CDK5RAP2: variants seen among roughly 807,000 people sequenced by gnomAD.
CDK5RAP2 encodes CDK5 regulatory subunit associated protein 2.
Under a neutral mutation model 232.9 loss-of-function variants are expected in CDK5RAP2, and 147 were observed. That is an observed-to-expected ratio of 0.63 (90% CI 0.55 to 0.72). The LOEUF (loss-of-function observed/expected upper bound fraction) is 0.72. CDK5RAP2 is among the 30% of genes least tolerant of loss of function. CDK5RAP2 has a pLI of 0.00. For synonymous variants in CDK5RAP2, 833 were observed against 833.7 expected, an observed-to-expected ratio of 1.00 and a Z score of 0.01; for missense variants, 2,195 against 2,231.5, an observed-to-expected ratio of 0.98 and a Z score of 0.33.
intron 22 of CDK5RAP2, among the ~76,000 whole-genome samples, chr9:120,447,445 GT>G (rs2036252521): frequency 6.6e-6 from 1 of 152,188 alleles, no homozygotes; most frequent in African/African-American, 2.4e-5. Flanking sequence ...TTCAAAGAGG[GT>G]GGGGAAGTGG....
At chr9:120,420,269 C>T (rs2034488021) in intron 26 of CDK5RAP2, among the ~76,000 whole-genome samples, 1 of 152,164 alleles carries the variant, frequency 6.6e-6, no homozygotes. Context: ...CCTCTCTATA[C>T]CAAGCATTTG....
At chr9:120,571,733 C>T in intron 2 of CDK5RAP2, 3 of 516,600 alleles carry the variant, frequency 5.8e-6, no homozygotes, top group South Asian at 3.9e-5. Flanking sequence ...ATCCCTATAG[C>T]TTTAGTAGCA....
chr9:120,394,428 CA>C, intron 36 of CDK5RAP2, 83 bp downstream of exon 36: 1 of 1,607,626 alleles, frequency 6.2e-7, no homozygotes. Context: ...ATCTGGGCTC[CA>C]AAGTGGGTAA....
intron 3 of CDK5RAP2, among the ~76,000 whole-genome samples, chr9:120,554,474 C>T (rs772243619): frequency 6.6e-5 from 10 of 152,110 alleles, no homozygotes; most frequent in Non-Finnish European, 1.2e-4. Flanking sequence ...ATATTAAGTT[C>T]AATCTTAACT....
At chr9:120,476,444 C>A (rs193211833) in intron 15 of CDK5RAP2, among the ~76,000 whole-genome samples, 1 of 152,004 alleles carries the variant, frequency 6.6e-6, no homozygotes, top group South Asian at 2.1e-4. Flanking sequence ...CTTTGGGAGG[C>A]GGAGGTGGGT....
chr9:120,538,973 C>G, intron 6 of CDK5RAP2, 68 bp downstream of exon 6: 1 of 1,551,824 alleles, frequency 6.4e-7, no homozygotes, highest in Non-Finnish European at 8.9e-7. Flanking sequence ...AAAAAAGAAA[C>G]AAAACTGTGC....
intron 19 of CDK5RAP2, among the ~76,000 whole-genome samples, chr9:120,459,294 TG>T (rs1254562753): frequency 2.0e-5 from 3 of 152,178 alleles, no homozygotes; most frequent in African/African-American, 7.2e-5. Context: ...AAGCCTGTAC[TG>T]GGCATGTCTT....
chr9:120,477,582 T>G (rs1588441284), intron 14 of CDK5RAP2, 132 bp from the exon 15 acceptor site: 2 of 743,264 alleles, frequency 2.7e-6, no homozygotes, highest in Non-Finnish European at 2.4e-6. Context: ...TGTGCCTGGC[T>G]CTGGCTCAGG....
chr9:120,537,423 TC>T (rs1431438763), intron 6 of CDK5RAP2, among the ~76,000 whole-genome samples: 1 of 152,134 alleles, frequency 6.6e-6, no homozygotes, highest in African/African-American at 2.4e-5. Flanking sequence ...CCAAGGGGCT[TC>T]CTGTCACTCT....
At chr9:120,505,289 T>C (rs1381409746) in intron 12 of CDK5RAP2, among the ~76,000 whole-genome samples, 2 of 152,170 alleles carry the variant, frequency 1.3e-5, no homozygotes, top group Non-Finnish European at 2.9e-5. Flanking sequence ...GATATTCCTA[T>C]TCCAGTTGTT....
intron 18 of CDK5RAP2, 173 bp from the exon 19 acceptor site, chr9:120,460,840 T>C: frequency 2.7e-6 from 3 of 1,107,260 alleles, no homozygotes; most frequent in Non-Finnish European, 3.8e-6. Flanking sequence ...AGGTTAGAGT[T>C]GCTAGTTGTG....
chr9:120,405,623 G>C (rs977880721), intron 32 of CDK5RAP2, among the ~76,000 whole-genome samples: 1 of 152,192 alleles, frequency 6.6e-6, no homozygotes, highest in African/African-American at 2.4e-5. Context: ...CACTACCTTT[G>C]TACACTGCTG....
rs543434338 is a variant in CDK5RAP2 at position 120,453,536 on chromosome 9, C to T, written c.2713G>A (p.Ala905Thr). 8.7e-6 allele frequency: 14 copies of T among 1,614,146 alleles called. No homozygotes were observed. The highest frequency in any genetic ancestry group is 5.5e-5 in the South Asian group (5 of 91,088). Residue 905 changes from alanine to threonine, a missense_variant, in exon 21 of 38, where the codon GCA becomes ACA. Transcript: ENST00000349780. ...EEKPINTALSAEHRPENLHGV... is the reference protein window; with the variant it reads ...EEKPINTALSTEHRPENLHGV... The stretch of plus-strand genomic sequence containing the variant: ...TGCAGGTTCTCTGGCCGATGCTCTG[C>T]GCTGAGTGCAGTGTTGATCGGTTTC...
At chr9:120,407,495 T>C (rs1344940931) in intron 31 of CDK5RAP2, 3 of 549,592 alleles carry the variant, frequency 5.5e-6, no homozygotes, top group East Asian at 3.1e-5. Flanking sequence ...GCCTAGCAAA[T>C]TGCACACCAA....
intron 36 of CDK5RAP2, among the ~76,000 whole-genome samples, chr9:120,393,319 A>C (rs1483076646): frequency 1.3e-5 from 2 of 152,182 alleles, no homozygotes; most frequent in Non-Finnish European, 2.9e-5. Context: ...GTAAGGGGCA[A>C]AGAACAGGAA....
At chr9:120,458,671 T>A (rs2036919754) in intron 19 of CDK5RAP2, 49 bp from the exon 20 acceptor site, 3 of 1,556,182 alleles carry the variant, frequency 1.9e-6, no homozygotes, top group Non-Finnish European at 2.7e-6. Flanking sequence ...AGGAAGGGAA[T>A]GGGGTGTGTG....
At chr9:120,517,157 G>C (rs572724556) in intron 12 of CDK5RAP2, among the ~76,000 whole-genome samples, 1 of 152,186 alleles carries the variant, frequency 6.6e-6, no homozygotes, top group Non-Finnish European at 1.5e-5. Flanking sequence ...AGGACTGAAC[G>C]ATAGTACAGA....
rs139643999 is a variant in CDK5RAP2, at chr9:120,453,593, T to C, written c.2656A>G (p.Lys886Glu). 7.7e-5 allele frequency: 124 copies of C among 1,614,192 alleles called. 1 individual carries two copies. The South Asian group carries it at 1.2e-3, about 16-fold the overall frequency. ...CAAGCCTCTCTTGTTGCTTCATGCT[T>C]GAATCTCAGCAGGTCGCCCTCCGTG... ...VATEGDLLRF[K>E]HEATREAWEE... The change falls in exon 21 of 38, where the codon AAG becomes GAG. Residue 886 changes from lysine to glutamate, a missense_variant. Transcript: ENST00000349780.
chr9:120,577,283 C>T (rs1412133137), intron 1 of CDK5RAP2, among the ~76,000 whole-genome samples: 6 of 151,160 alleles, frequency 4.0e-5, no homozygotes, highest in Non-Finnish European at 8.8e-5. Flanking sequence ...ATTGCTTGAA[C>T]TCTGGAGGCG....
Sources: gnomAD v4.1 joint callset for allele counts (sites outside exome capture counted in the v4.1 genomes callset) on GRCh38, gnomAD v4.1.1 for gene constraint, MANE v1.5 for transcripts, NCBI Gene and HGNC (gene_info 2026-07-23, HGNC 2026-07-21) for gene names.